Variants in LOC728743 observed in about 807,000 individuals in gnomAD.
the LOC728743 span, among the ~76,000 whole-genome samples, chr7:150,402,229 C>T: frequency 2.5e-3 from 387 of 152,288 alleles, 2 homozygotes; most frequent in Non-Finnish European, 4.8e-3. Flanking sequence ...AGGCCTGCTG[C>T]AAGTTTAAGG....
the LOC728743 span, chr7:150,408,244 G>C: frequency 1.0e-5 from 4 of 387,064 alleles, no homozygotes; most frequent in Admixed American, 8.9e-5. Flanking sequence ...GCCTGCTGCC[G>C]ACGGCTGCTT....
chr7:150,408,378 G>A, the LOC728743 span: 15 of 362,762 alleles, frequency 4.1e-5, no homozygotes, highest in Middle Eastern at 1.4e-3. Flanking sequence ...CCGCCGCCAG[G>A]CTCCGGCCGC....
the LOC728743 span, chr7:150,408,502 G>C: frequency 1.0e-5 from 3 of 287,204 alleles, no homozygotes; most frequent in East Asian, 1.8e-4. Context: ...AGACCTGCGG[G>C]GCTGGCCAGA....
chr7:150,401,358 C>T, the LOC728743 span, among the ~76,000 whole-genome samples: 6 of 152,342 alleles, frequency 3.9e-5, no homozygotes, highest in East Asian at 1.2e-3. Flanking sequence ...CTGCAGTGAC[C>T]AGAGGCAGCC....
chr7:150,408,179 C>T, the LOC728743 span: 2 of 392,432 alleles, frequency 5.1e-6, no homozygotes, highest in Non-Finnish European at 9.0e-6. Flanking sequence ...CAGCCACGGC[C>T]ACGGGCCCGA....
the LOC728743 span, chr7:150,407,970 G>A: frequency 1.7e-5 from 7 of 403,630 alleles, no homozygotes; most frequent in Non-Finnish European, 2.6e-5. Flanking sequence ...ATCCACAGCG[G>A]CGAGAAGCCG....
the LOC728743 span, chr7:150,410,161 T>C: frequency 2.5e-6 from 1 of 398,492 alleles, no homozygotes; most frequent in African/African-American, 2.1e-5. Context: ...TGTCGACAGT[T>C]GCAGAGTGGG....
the LOC728743 span, among the ~76,000 whole-genome samples, chr7:150,406,212 T>C: frequency 6.6e-6 from 1 of 152,096 alleles, no homozygotes; most frequent in Non-Finnish European, 1.5e-5. Context: ...ACTCTGCAGA[T>C]AGGTTGACTG....
At chr7:150,410,637 T>C in the LOC728743 span, 1 of 148,700 alleles carries the variant, frequency 6.7e-6, no homozygotes, top group Non-Finnish European at 1.5e-5. Context: ...GGCTTCATTT[T>C]CCTTTCTGAG....
At chr7:150,403,668 GTTTC>G in the LOC728743 span, among the ~76,000 whole-genome samples, 1 of 152,206 alleles carries the variant, frequency 6.6e-6, no homozygotes, top group Non-Finnish European at 1.5e-5. This position sits in a 1 kb window ranked among gnomAD's most constrained non-coding sequence, Gnocchi z 5.1. Context: ...CTATGGACTA[GTTTC>G]TTTGTCTTCC....
At chr7:150,408,849 G>A in the LOC728743 span, among the ~76,000 whole-genome samples, 1 of 152,238 alleles carries the variant, frequency 6.6e-6, no homozygotes, top group Non-Finnish European at 1.5e-5. Flanking sequence ...CTGGATGAGA[G>A]AGGGTGAGGT....
chr7:150,409,176 C>T, the LOC728743 span, among the ~76,000 whole-genome samples: 24 of 150,540 alleles, frequency 1.6e-4, no homozygotes, highest in African/African-American at 5.9e-4. Flanking sequence ...TGACTGTCTC[C>T]AGGTGTCCCA....
chr7:150,411,412 A>C, the LOC728743 span: 1 of 152,642 alleles, frequency 6.6e-6, no homozygotes, highest in Admixed American at 6.5e-5. Context: ...GCAGCAGTGC[A>C]GTTGAAGGGA....
chr7:150,403,986 G>T, the LOC728743 span, among the ~76,000 whole-genome samples: 2 of 152,228 alleles, frequency 1.3e-5, no homozygotes, highest in Non-Finnish European at 2.9e-5. This position sits in a 1 kb window ranked among gnomAD's most constrained non-coding sequence, Gnocchi z 5.1. Context: ...CCAGGCTCCA[G>T]AAGGCACAGT....
the LOC728743 span, chr7:150,404,517 G>C: frequency 6.6e-6 from 1 of 152,360 alleles, no homozygotes; most frequent in African/African-American, 2.4e-5. Flanking sequence ...AAGGTAGGGT[G>C]CACATGGTTA....
chr7:150,407,657 G>C, the LOC728743 span: 4 of 399,072 alleles, frequency 1.0e-5, no homozygotes, highest in Non-Finnish European at 1.8e-5. Context: ...TGCGGGGGAC[G>C]GGGAGGAGGG....
the LOC728743 span, chr7:150,404,516 T>G: frequency 6.6e-6 from 1 of 152,196 alleles, no homozygotes; most frequent in Non-Finnish European, 1.5e-5. Context: ...CAAGGTAGGG[T>G]GCACATGGTT....
At chr7:150,409,457 C>G in the LOC728743 span, among the ~76,000 whole-genome samples, 52,191 of 152,094 alleles carry the variant, frequency 0.34, 9,252 homozygotes, top group Non-Finnish European at 0.38. Context: ...TGGTTCCAAG[C>G]TGGCGCTCTG....
At chr7:150,411,782 G>C in the LOC728743 span, 18 of 152,304 alleles carry the variant, frequency 1.2e-4, no homozygotes, top group African/African-American at 4.3e-4. Context: ...CTCCACACAC[G>C]CCCCTTTTGT....
Sources: gnomAD v4.1 joint callset for allele counts (sites outside exome capture counted in the v4.1 genomes callset) on GRCh38, gnomAD v4.1.1 for gene constraint, Gnocchi (gnomAD v3.1) non-coding constraint, MANE v1.5 for transcripts.